KCNIP4: variants seen among roughly 807,000 people sequenced by gnomAD.
The protein encoded by KCNIP4 is potassium voltage-gated channel interacting protein 4.
KCNIP4 carries 12 observed loss-of-function variants against 34.0 expected under a neutral mutation model. The ratio of observed to expected loss-of-function variants is 0.35; its 90% CI spans 0.23 to 0.57. KCNIP4 has a LOEUF of 0.57. Ranked by LOEUF, KCNIP4 falls within the 20% of genes least tolerant of loss-of-function variation. KCNIP4 has a pLI of 0.83. For synonymous variants in KCNIP4, 124 were observed against 102.2 expected (o/e 1.21, Z -1.29); for missense variants, 238 against 311.7 (o/e 0.76, Z 1.78).
intron 1 of KCNIP4, among the ~76,000 whole-genome samples, chr4:21,413,044 C>G (rs1157435215): frequency 6.6e-6 from 1 of 152,076 alleles, no homozygotes; most frequent in Admixed American, 6.6e-5. Context: ...GCAAGTAGCC[C>G]ATATATATGT....
intron 1 of KCNIP4, among the ~76,000 whole-genome samples, chr4:21,345,714 G>C (rs1872456): frequency 0.033 from 5,019 of 152,074 alleles, 210 homozygotes; most frequent in East Asian, 0.19. Flanking sequence ...TGCTGAACTT[G>C]TTCCCATTTT....
At chr4:21,861,262 G>T (rs932722322) in intron 1 of KCNIP4, among the ~76,000 whole-genome samples, 1 of 152,166 alleles carries the variant, frequency 6.6e-6, no homozygotes, top group Non-Finnish European at 1.5e-5. Context: ...GGTTTCAAGG[G>T]ATATGAATTT....
chr4:21,596,189 A>T (rs1268978292), intron 1 of KCNIP4, among the ~76,000 whole-genome samples: 2 of 152,100 alleles, frequency 1.3e-5, no homozygotes, highest in African/African-American at 4.8e-5. Context: ...TCTTAAGGCA[A>T]ATTGGCTTAT....
chr4:21,554,472 T>C (rs1045185075), intron 1 of KCNIP4, among the ~76,000 whole-genome samples: 2 of 152,160 alleles, frequency 1.3e-5, no homozygotes, highest in Non-Finnish European at 2.9e-5. Context: ...AAGATTTAAG[T>C]GGTATTATAA....
At chr4:21,561,619 C>T (rs570844081) in intron 1 of KCNIP4, among the ~76,000 whole-genome samples, 8 of 151,730 alleles carry the variant, frequency 5.3e-5, no homozygotes, top group Middle Eastern at 6.8e-3. Context: ...GGGGAGTGGA[C>T]CGGTTTTATG....
At chr4:21,877,811 T>C (rs930416337) in intron 1 of KCNIP4, among the ~76,000 whole-genome samples, 1 of 152,186 alleles carries the variant, frequency 6.6e-6, no homozygotes, top group African/African-American at 2.4e-5. Context: ...CAAGAATATC[T>C]CTTAGATATT....
At chr4:21,291,281 A>G (rs992888224) in intron 1 of KCNIP4, among the ~76,000 whole-genome samples, 4 of 152,002 alleles carry the variant, frequency 2.6e-5, no homozygotes, top group African/African-American at 9.7e-5. Context: ...CTCATGGCTT[A>G]TGTTCATGGA....
chr4:20,968,903 G>A (rs1734651572), intron 1 of KCNIP4, among the ~76,000 whole-genome samples: 1 of 152,040 alleles, frequency 6.6e-6, no homozygotes, highest in South Asian at 2.1e-4. Context: ...TTGTACACAT[G>A]TACCCTAGAA....
At chr4:21,370,848 T>TACAC (rs1560338086) in intron 1 of KCNIP4, among the ~76,000 whole-genome samples, 4 of 21,440 alleles carry the variant, frequency 1.9e-4, no homozygotes, top group African/African-American at 9.2e-4. Context: ...TATATATATA[T>TACAC]ATACACACAC....
intron 3 of KCNIP4, among the ~76,000 whole-genome samples, chr4:20,846,040 C>T (rs10000529): frequency 0.017 from 2,655 of 152,154 alleles, 73 homozygotes; most frequent in African/African-American, 0.057. Flanking sequence ...TACACGGCAA[C>T]AGAAAATGAA....
rs190245399 is a variant in KCNIP4 at position 21,257,313 on chromosome 4, T to C, written c.62-374604A>G. Reference sequence around the variant, plus strand: ...GCCTGATATTTTTTTCATTCATTCATGTTTTGTTTCCCTATTTGCTGTGAA... The same window carrying C: ...GCCTGATATTTTTTTCATTCATTCACGTTTTGTTTCCCTATTTGCTGTGAA... On this transcript the variant is annotated intron_variant, in intron 1 of 8. Transcript: ENST00000382152. Among the ~76,000 whole-genome samples the C allele has an allele frequency of 1.2e-3, 177 of 152,322 alleles. 1 individual carries two copies. The highest frequency in any genetic ancestry group is 3.7e-3 in the South Asian group (18 of 4,826).
intron 1 of KCNIP4, among the ~76,000 whole-genome samples, chr4:21,061,370 C>T (rs1743900683): frequency 6.6e-6 from 1 of 152,026 alleles, no homozygotes; most frequent in South Asian, 2.1e-4. Flanking sequence ...AGTTTACTGG[C>T]TTATAATATG....
intron 2 of KCNIP4, among the ~76,000 whole-genome samples, chr4:20,864,312 A>ACGTTTG (rs1447443939): frequency 1.3e-5 from 2 of 151,462 alleles, no homozygotes; most frequent in Non-Finnish European, 2.9e-5. Context: ...ATGCATATAT[A>ACGTTTG]CATACGTTTA....
At chr4:21,546,390 C>T (rs1738154944) in intron 1 of KCNIP4, among the ~76,000 whole-genome samples, 2 of 151,866 alleles carry the variant, frequency 1.3e-5, no homozygotes, top group African/African-American at 2.4e-5. Flanking sequence ...GGAGTTTGAG[C>T]CCTAGTTCAT....
chr4:21,205,656 T>A (rs973560922), intron 1 of KCNIP4, among the ~76,000 whole-genome samples: 1 of 152,242 alleles, frequency 6.6e-6, no homozygotes, highest in Non-Finnish European at 1.5e-5. Flanking sequence ...TATATCTCTC[T>A]AACTAGTCTA....
At chr4:21,006,153 A>G (rs1738538704) in intron 1 of KCNIP4, among the ~76,000 whole-genome samples, 1 of 152,188 alleles carries the variant, frequency 6.6e-6, no homozygotes, top group African/African-American at 2.4e-5. Flanking sequence ...AATCTTTGCT[A>G]TGTAGATGAA....
chr4:21,557,487 T>C (rs1018110338), intron 1 of KCNIP4, among the ~76,000 whole-genome samples: 1 of 152,270 alleles, frequency 6.6e-6, no homozygotes, highest in East Asian at 1.9e-4. Flanking sequence ...AATATTTTAG[T>C]GGTGATTTTA....
At chr4:21,015,626 T>C (rs1254936854) in intron 1 of KCNIP4, among the ~76,000 whole-genome samples, 1 of 123,784 alleles carries the variant, frequency 8.1e-6, no homozygotes, top group Non-Finnish European at 1.6e-5. Flanking sequence ...ATATAGTATA[T>C]TGTATTAATA....
At chr4:21,897,242 GA>G (rs1228515606) in intron 1 of KCNIP4, among the ~76,000 whole-genome samples, 2 of 141,496 alleles carry the variant, frequency 1.4e-5, no homozygotes, top group African/African-American at 2.7e-5. Context: ...AGAGATTTGA[GA>G]ATAAGAATTT....
Sources: allele counts gnomAD v4.1 joint callset (sites outside exome capture counted in the v4.1 genomes callset), GRCh38; gene constraint gnomAD v4.1.1; transcripts MANE v1.5; gene names NCBI Gene and HGNC (gene_info 2026-07-23, HGNC 2026-07-21).